FAXC: variants seen among roughly 807,000 people sequenced by gnomAD.
FAXC encodes failed axon connections homolog.
A neutral mutation model predicts 41.9 loss-of-function variants in FAXC; 10 were observed. That is an observed-to-expected ratio of 0.24 (90% CI 0.15 to 0.41). FAXC has a LOEUF of 0.41. Ranked by LOEUF, FAXC falls within the 10% of genes least tolerant of loss-of-function variation. The pLI is 1.00. For missense variants in FAXC, 399 were observed against 510.9 expected, an observed-to-expected ratio of 0.78 and a Z score of 2.11; for synonymous variants, 183 against 183.8, an observed-to-expected ratio of 1.00 and a Z score of 0.03.
rs144270064 is a variant in FAXC at position 99,323,553 on chromosome 6, C to T, written c.714G>A (p.Thr238=). The change falls in exon 4 of 6, where the codon ACG becomes ACA. Residue 238 remains threonine, a synonymous_variant. Coordinates refer to ENST00000389677, the MANE Select transcript of FAXC (RefSeq NM_032511.4). ...NLLRWVVCHI[T]KGIVKREMHG... ...GCATCTCGCGTTTCACAATTCCTTT[C>T]GTTATGTGGCACACAACCCACCTCA... 15 of 1,614,212 alleles carry T rather than the reference C, an allele frequency of 9.3e-6. No homozygotes were observed. Among genetic ancestry groups the T allele is most frequent in the African/African-American group, 5.3e-5 (4 of 75,044 alleles).
chr6:99,284,019 G>A (rs1231312880), intron 5 of FAXC: 1 of 152,144 alleles, frequency 6.6e-6, no homozygotes, highest in African/African-American at 2.4e-5. Flanking sequence ...TACCACTTCA[G>A]TATGCAATAA....
In FAXC at chr6:99,349,256, A is replaced by G. The variant is rs1297017836; in HGVS notation, c.117T>C (p.Tyr39=). Residue 39 remains tyrosine (Y), a synonymous_variant, in exon 1 of 6, where the codon TAT becomes TAC. Coordinates refer to ENST00000389677, the MANE Select transcript of FAXC (RefSeq NM_032511.4). ...WAGSEEPFSF[Y]GDIIAFPLQD... is the part of the protein sequence containing the mutation. ...GCAAAGGGAAAGCGATGATGTCCCC[A>G]TAAAAGGAGAAGGGCTCCTCGGACC... 2 of 1,613,850 alleles carry G rather than the reference A, an allele frequency of 1.2e-6. No homozygotes were observed. The highest frequency in any genetic ancestry group is 1.7e-5 in the Admixed American group (1 of 60,032).
intron 5 of FAXC, among the ~76,000 whole-genome samples, chr6:99,286,903 C>G (rs9373106): frequency 0.16 from 24,588 of 152,150 alleles, 2,375 homozygotes; most frequent in East Asian, 0.48. Context: ...TACTTTCAGA[C>G]TTTGCTCATG....
rs143233704 is a variant in FAXC, at chr6:99,273,918, G to C, written c.*7246C>G. The C allele has an allele frequency of 2.6e-4, 40 of 152,078 alleles. No individual in the cohort carries two copies. The highest frequency in any genetic ancestry group is 9.4e-4 in the African/African-American group (39 of 41,456). 9.4% of individuals were successfully genotyped at this position (152,078 alleles called of 1,614,324 possible). A position where few individuals can be genotyped will look rare whatever the true frequency, so the allele number is the denominator to read the frequency against. On this transcript the variant is annotated 3_prime_UTR_variant, in exon 6 of 6. Coordinates refer to ENST00000389677, the MANE Select transcript of FAXC (RefSeq NM_032511.4). Reference sequence around the variant, plus strand: ...ATATATCATAAATAAATACATGGAGGGGCATGCTCAGAAAGTTTTACTAAT... The same window carrying C: ...ATATATCATAAATAAATACATGGAGCGGCATGCTCAGAAAGTTTTACTAAT...
At chr6:99,305,111 T>C (rs1415945419) in intron 4 of FAXC, among the ~76,000 whole-genome samples, 1 of 152,060 alleles carries the variant, frequency 6.6e-6, no homozygotes, top group Non-Finnish European at 1.5e-5. Context: ...AAGATGAGGT[T>C]GGAGATGTGA....
intron 4 of FAXC, among the ~76,000 whole-genome samples, chr6:99,313,123 T>C (rs1338536168): frequency 6.6e-6 from 1 of 152,074 alleles, no homozygotes; most frequent in African/African-American, 2.4e-5. Context: ...CAAAACCTCA[T>C]CGCTACAAAA....
intron 4 of FAXC, among the ~76,000 whole-genome samples, chr6:99,293,161 G>T (rs1771311320): frequency 1.3e-5 from 2 of 152,122 alleles, no homozygotes; most frequent in Non-Finnish European, 2.9e-5. Context: ...CATGGCTTTT[G>T]AAATGAGTTA....
At chr6:99,296,818 G>T (rs1044893658) in intron 4 of FAXC, among the ~76,000 whole-genome samples, 8 of 152,194 alleles carry the variant, frequency 5.3e-5, no homozygotes, top group African/African-American at 1.9e-4. Context: ...AGCCCATAGG[G>T]GGAGTAGCAG....
At chr6:99,302,751 G>C (rs1351952405) in intron 4 of FAXC, among the ~76,000 whole-genome samples, 1 of 152,048 alleles carries the variant, frequency 6.6e-6, no homozygotes, top group Non-Finnish European at 1.5e-5. Context: ...CAGGAGGTAG[G>C]GGTCACTGTG....
chr6:99,289,561 C>T (rs1041497866), intron 5 of FAXC, among the ~76,000 whole-genome samples: 1 of 152,000 alleles, frequency 6.6e-6, no homozygotes, highest in African/African-American at 2.4e-5. Flanking sequence ...TAGGTTGAGA[C>T]AGGAGGATTA....
At position 99,343,048 on chromosome 6, in the gene FAXC, A is replaced by T. The variant is rs777678793; in HGVS notation, c.267-15T>A. The stretch of plus-strand genomic sequence containing the variant: ...CTTGCTGTTTCCTGTCAAAACCAAA[A>T]CAGAAATAAAGTACAATCCACATGT... On this transcript the variant is annotated splice_polypyrimidine_tract_variant and intron_variant, in intron 1 of 5. Coordinates refer to ENST00000389677, the MANE Select transcript of FAXC (RefSeq NM_032511.4). 6.3e-7 allele frequency: 1 copy of T among 1,591,222 alleles called. No individual in the cohort carries two copies. Among genetic ancestry groups the T allele is most frequent in the South Asian group, 1.2e-5 (1 of 86,246 alleles).
chr6:99,341,570 G>C (rs1773428671), intron 2 of FAXC, among the ~76,000 whole-genome samples: 2 of 152,226 alleles, frequency 1.3e-5, no homozygotes, highest in Non-Finnish European at 1.5e-5. Context: ...ACTTTTATAT[G>C]TACCTAACAA....
intron 2 of FAXC, among the ~76,000 whole-genome samples, chr6:99,341,452 G>T (rs1773424890): frequency 6.6e-6 from 1 of 152,052 alleles, no homozygotes; most frequent in Non-Finnish European, 1.5e-5. Context: ...GAAGGCTGGA[G>T]AATCTATCTC....
chr6:99,324,042 G>A (rs924126028), intron 3 of FAXC, among the ~76,000 whole-genome samples: 6 of 152,158 alleles, frequency 3.9e-5, no homozygotes, highest in African/African-American at 9.7e-5. Context: ...TGGGGGCACA[G>A]GGCAGGAGGC....
intron 2 of FAXC, among the ~76,000 whole-genome samples, chr6:99,338,193 A>G (rs1582685664): frequency 6.6e-6 from 1 of 152,140 alleles, no homozygotes; most frequent in East Asian, 1.9e-4. Flanking sequence ...TATTTTCCAT[A>G]CAGACTTCAC....
chr6:99,320,343 T>TC (rs2128459152), intron 4 of FAXC, among the ~76,000 whole-genome samples: 1 of 152,314 alleles, frequency 6.6e-6, no homozygotes, highest in Non-Finnish European at 1.5e-5. Context: ...ATTCTAACTC[T>TC]ACCTGATTTG....
intron 4 of FAXC, among the ~76,000 whole-genome samples, chr6:99,311,526 G>C (rs1368456552): frequency 1.3e-5 from 2 of 152,210 alleles, no homozygotes; most frequent in Non-Finnish European, 2.9e-5. Flanking sequence ...AGTAAGCCAA[G>C]ATTGTGCCAC....
chr6:99,342,075 G>A (rs141917795), intron 2 of FAXC, among the ~76,000 whole-genome samples: 1 of 152,296 alleles, frequency 6.6e-6, no homozygotes, highest in African/African-American at 2.4e-5. Context: ...ATACCTTTAA[G>A]TACACTCCTC....
chr6:99,345,336 G>A (rs1773554547), intron 1 of FAXC, among the ~76,000 whole-genome samples: 1 of 152,136 alleles, frequency 6.6e-6, no homozygotes, highest in Non-Finnish European at 1.5e-5. Context: ...AATGCTATGA[G>A]AAAAGCTACT....
Sources: gnomAD v4.1 joint callset for allele counts (sites outside exome capture counted in the v4.1 genomes callset) on GRCh38, gnomAD v4.1.1 for gene constraint, MANE v1.5 for transcripts, NCBI Gene and HGNC (gene_info 2026-07-23, HGNC 2026-07-21) for gene names.